FCHO2: variants seen among roughly 807,000 people sequenced by gnomAD.
The protein encoded by FCHO2 is F-BAR domain only protein 2.
A neutral mutation model predicts 114.1 loss-of-function variants in FCHO2; 43 were observed. That is an observed-to-expected ratio of 0.38 (90% CI 0.30 to 0.49). The LOEUF is 0.49. FCHO2 is among the 20% of genes least tolerant of loss of function. FCHO2 has a pLI of 0.97. For synonymous variants in FCHO2, 293 were observed against 315.2 expected, an observed-to-expected ratio of 0.93 and a Z score of 0.75; for missense variants, 807 against 950.4, an observed-to-expected ratio of 0.85 and a Z score of 1.98.
intron 20 of FCHO2, 64 bp downstream of exon 20, chr5:73,074,917 G>A: frequency 7.8e-7 from 1 of 1,287,626 alleles, no homozygotes; most frequent in Non-Finnish European, 1.1e-6. Context: ...AGGTGGTGGG[G>A]CTTGGTGGTA....
At chr5:72,973,776 T>C (rs1752704675) in intron 2 of FCHO2, among the ~76,000 whole-genome samples, 1 of 151,584 alleles carries the variant, frequency 6.6e-6, no homozygotes, top group African/African-American at 2.4e-5. Context: ...GCTTTTCTAG[T>C]TCTTTTAATT....
At chr5:73,048,486 G>A (rs1757174748) in intron 11 of FCHO2, among the ~76,000 whole-genome samples, 1 of 152,124 alleles carries the variant, frequency 6.6e-6, no homozygotes. Flanking sequence ...TCAATCTGCG[G>A]TTGGTTGAAT....
At chr5:73,013,223 G>A (rs916395849) in intron 6 of FCHO2, among the ~76,000 whole-genome samples, 1 of 150,108 alleles carries the variant, frequency 6.7e-6, no homozygotes, top group Non-Finnish European at 1.5e-5. Flanking sequence ...TTTTTGGGCT[G>A]TTGCAATACT....
intron 8 of FCHO2, among the ~76,000 whole-genome samples, chr5:73,026,066 C>T (rs999488112): frequency 3.3e-5 from 5 of 152,004 alleles, no homozygotes; most frequent in African/African-American, 1.2e-4. Flanking sequence ...GAGGCCGAGG[C>T]GACTGAACTC....
Position 72,956,870 on chromosome 5 carries a change from C to T in FCHO2, c.33+741C>T, listed in dbSNP as rs1415991836. On this transcript the variant is annotated intron_variant, in intron 1 of 25. Coordinates refer to ENST00000430046, the MANE Select transcript of FCHO2 (RefSeq NM_138782.3). ...CTTCTTTGAGAATTTCTCCGGCTCCCGGTGGAGTATTTTTCTGCAGTTATT... is the reference window on the plus strand; with the variant it reads ...CTTCTTTGAGAATTTCTCCGGCTCCTGGTGGAGTATTTTTCTGCAGTTATT... Among the ~76,000 whole-genome samples, 7 of 151,916 alleles carry T rather than the reference C, an allele frequency of 4.6e-5. No homozygotes were observed. The South Asian group carries it at 8.3e-4, about 18-fold the overall frequency.
intron 24 of FCHO2, among the ~76,000 whole-genome samples, chr5:73,083,504 A>T (rs531091360): frequency 6.6e-4 from 101 of 152,354 alleles, no homozygotes; most frequent in African/African-American, 2.4e-3. Context: ...TAACCTGATA[A>T]CTAATTGAAA....
At chr5:72,989,650 GA>G (rs2112666200) in intron 3 of FCHO2, 149 bp downstream of exon 3, 1 of 569,678 alleles carries the variant, frequency 1.8e-6, no homozygotes, top group Non-Finnish European at 3.0e-6. Context: ...TTCTTCACTT[GA>G]TAGAAAATAT....
intron 2 of FCHO2, among the ~76,000 whole-genome samples, chr5:72,985,782 G>C (rs1037852555): frequency 6.6e-6 from 1 of 152,000 alleles, no homozygotes; most frequent in Non-Finnish European, 1.5e-5. Flanking sequence ...GATTTATTTT[G>C]TTCTTTCTCT....
intron 2 of FCHO2, among the ~76,000 whole-genome samples, chr5:72,981,293 G>T (rs1224508430): frequency 6.6e-6 from 1 of 152,104 alleles, no homozygotes; most frequent in Admixed American, 6.6e-5. Context: ...CTGGCTTGTA[G>T]GGTTTCTGCA....
At chr5:73,059,867 ATCTC>A (rs1341800664) in intron 17 of FCHO2, among the ~76,000 whole-genome samples, 24 of 151,986 alleles carry the variant, frequency 1.6e-4, no homozygotes, top group Admixed American at 1.6e-3. Context: ...TTGTTGCCAG[ATCTC>A]TCTTTTGTTT....
intron 24 of FCHO2, among the ~76,000 whole-genome samples, chr5:73,084,706 A>G (rs922423858): frequency 2.0e-5 from 3 of 152,228 alleles, no homozygotes; most frequent in Non-Finnish European, 4.4e-5. Context: ...AGGACCGTAA[A>G]TATGTCTGTG....
chr5:73,028,646 CTTT>C (rs1177312773), intron 8 of FCHO2, among the ~76,000 whole-genome samples: 1 of 112,146 alleles, frequency 8.9e-6, no homozygotes, highest in Admixed American at 9.7e-5. Flanking sequence ...TTATATGATT[CTTT>C]TTTTTTTTTT....
chr5:72,990,385 A>G, intron 3 of FCHO2, 93 bp from the exon 4 acceptor site: 4 of 945,522 alleles, frequency 4.2e-6, no homozygotes, highest in Non-Finnish European at 6.1e-6. Context: ...AAGTTGCCAT[A>G]TATACCACTA....
rs566223153 is a variant in FCHO2, at chr5:73,082,825, G to A, written c.2245G>A (p.Gly749Ser). 12 of 1,599,492 alleles carry A rather than the reference G, an allele frequency of 7.5e-6. No homozygotes were observed. Among genetic ancestry groups the A allele is most frequent in the Non-Finnish European group, 1.0e-5 (12 of 1,173,318 alleles). Reference sequence around the variant, plus strand: ...TATTTCAGAAAAATCAGAAAATGGAGGTAAGTGTGTGTGTCCTTTTTTATT... The same window carrying A: ...TATTTCAGAAAAATCAGAAAATGGAAGTAAGTGTGTGTGTCCTTTTTTATT... Reference protein sequence around the residue: ...SSISEKSENGGSGSLRAKFDL... With the variant: ...SSISEKSENGSSGSLRAKFDL... Residue 749 changes from glycine (G) to serine (S), a missense_variant and splice_region_variant, in exon 24 of 26, where the codon GGT becomes AGT. Coordinates refer to ENST00000430046, the MANE Select transcript of FCHO2 (RefSeq NM_138782.3).
intron 5 of FCHO2, chr5:72,997,673 G>T (rs1196713070): frequency 9.7e-6 from 15 of 1,538,972 alleles, no homozygotes; most frequent in South Asian, 6.7e-5. Context: ...CCTGAGTTGG[G>T]GTTGGGGGAA....
At chr5:73,053,304 A>G (rs569755104) in intron 13 of FCHO2, among the ~76,000 whole-genome samples, 216 of 152,286 alleles carry the variant, frequency 1.4e-3, no homozygotes, top group Non-Finnish European at 2.6e-3. Context: ...TTTCAGAACT[A>G]TTTTCTTCCT....
chr5:73,083,485 C>T (rs1435881187), intron 24 of FCHO2, among the ~76,000 whole-genome samples: 1 of 152,174 alleles, frequency 6.6e-6, no homozygotes, highest in Admixed American at 6.5e-5. Flanking sequence ...ACTCTATGTT[C>T]CATGTAGGTA....
rs567655677 is a variant in FCHO2, at chr5:73,051,552, G to C, written c.997+146G>C. ...TTTGTCATTTGACATGTTTTTTGTT[G>C]TTGTTGTTTTTTGTTTTTTTTGGGT... is the stretch of plus-strand genomic sequence containing the variant. On this transcript the variant is annotated intron_variant, in intron 12 of 25. Coordinates refer to ENST00000430046, the MANE Select transcript of FCHO2 (RefSeq NM_138782.3). The C allele has an allele frequency of 2.9e-5, 17 of 595,190 alleles. No homozygotes were observed. In the South Asian group the frequency reaches 4.9e-4, roughly 17 times the overall value. 36.9% of individuals were successfully genotyped at this position (595,190 alleles called of 1,614,324 possible).
Position 72,997,636 on chromosome 5 carries a change from G to A in FCHO2, c.495+6772G>A, listed in dbSNP as rs1489842585. 2.8e-6 allele frequency: 4 copies of A among 1,451,982 alleles called. No individual in the cohort carries two copies. In the East Asian group the frequency reaches 6.8e-5, roughly 25 times the overall value. The allele number at this position is 1,451,982 out of a possible 1,614,324, so 89.9% of individuals were successfully genotyped here. A position where few individuals can be genotyped will look rare whatever the true frequency, so the allele number is the denominator to read the frequency against. ...TGAGCCGCAACCTTCACCAGTATAGGTTCTGGTGACAGCTGCTCCCCCTTC... is the reference window on the plus strand; with the variant it reads ...TGAGCCGCAACCTTCACCAGTATAGATTCTGGTGACAGCTGCTCCCCCTTC... On this transcript the variant is annotated intron_variant, in intron 5 of 25. Transcript: ENST00000430046.
Sources: gnomAD v4.1 joint callset for allele counts (sites outside exome capture counted in the v4.1 genomes callset) on GRCh38, gnomAD v4.1.1 for gene constraint, MANE v1.5 for transcripts, NCBI Gene and HGNC (gene_info 2026-07-23, HGNC 2026-07-21) for gene names.